Variants in MCTP1 observed in about 807,000 individuals in gnomAD.
MCTP1 encodes multiple C2 and transmembrane domain containing 1, also known as multiple C2 and transmembrane domain-containing protein 1.
MCTP1 carries 69 observed loss-of-function variants against 120.6 expected under a neutral mutation model. The observed-to-expected ratio is 0.57, with a 90% CI of 0.47 to 0.70. The LOEUF is 0.70. MCTP1 is among the 30% of genes least tolerant of loss of function. MCTP1 has a pLI of 0.00. For missense variants in MCTP1, 1,203 were observed against 1,248.8 expected (o/e 0.96, Z 0.55); for synonymous variants, 529 against 493.1 (o/e 1.07, Z -0.96).
chr5:95,269,587 A>G (rs1759194883), intron 1 of MCTP1, among the ~76,000 whole-genome samples: 1 of 152,352 alleles, frequency 6.6e-6, no homozygotes, highest in South Asian at 2.1e-4. Context: ...GGAAAGACCT[A>G]TCAGCAAGGC....
intron 19 of MCTP1, among the ~76,000 whole-genome samples, chr5:94,748,346 A>G (rs1767418904): frequency 6.6e-6 from 1 of 152,184 alleles, no homozygotes; most frequent in Admixed American, 6.5e-5. Flanking sequence ...GGAACTACTG[A>G]AACATTGTCG....
At chr5:95,197,189 G>A (rs547968131) in intron 1 of MCTP1, among the ~76,000 whole-genome samples, 1 of 152,270 alleles carries the variant, frequency 6.6e-6, no homozygotes, top group Non-Finnish European at 1.5e-5. Flanking sequence ...GTTTGTCACT[G>A]AGGAAATTAA....
At chr5:94,867,543 G>A (rs1192872876) in intron 17 of MCTP1, 2 of 473,688 alleles carry the variant, frequency 4.2e-6, no homozygotes, top group Non-Finnish European at 7.5e-6. Flanking sequence ...GAAGCATAAG[G>A]TACTCATATT....
chr5:95,146,514 TA>T, intron 1 of MCTP1, among the ~76,000 whole-genome samples: 1 of 152,308 alleles, frequency 6.6e-6, no homozygotes. Flanking sequence ...TTGATGAAAG[TA>T]TTTAGCACTA....
At chr5:95,058,185 C>G (rs1322928808) in intron 1 of MCTP1, among the ~76,000 whole-genome samples, 1 of 152,120 alleles carries the variant, frequency 6.6e-6, no homozygotes, top group Non-Finnish European at 1.5e-5. Context: ...CCCAATAATT[C>G]AAATACATAA....
intron 1 of MCTP1, among the ~76,000 whole-genome samples, chr5:95,173,597 C>T (rs1055067874): frequency 3.9e-5 from 6 of 152,158 alleles, no homozygotes; most frequent in Non-Finnish European, 8.8e-5. Context: ...CTACTTTCTC[C>T]TCCCTTTACC....
chr5:95,136,005 A>T (rs1315427986), intron 1 of MCTP1, among the ~76,000 whole-genome samples: 3 of 152,252 alleles, frequency 2.0e-5, no homozygotes, highest in Non-Finnish European at 4.4e-5. Context: ...GTAGATTTCA[A>T]TATAATTGAA....
chr5:95,233,648 A>G (rs1755215497), intron 1 of MCTP1, among the ~76,000 whole-genome samples: 1 of 152,192 alleles, frequency 6.6e-6, no homozygotes, highest in African/African-American at 2.4e-5. Flanking sequence ...ATACTTCTAA[A>G]TAAATCATAA....
chr5:94,827,550 C>T (rs188163221), intron 17 of MCTP1, among the ~76,000 whole-genome samples: 206 of 152,014 alleles, frequency 1.4e-3, no homozygotes, highest in South Asian at 2.3e-3. Flanking sequence ...CCCAATATCC[C>T]GAAGTGTATT....
chr5:95,138,171 T>C (rs901273871), intron 1 of MCTP1, among the ~76,000 whole-genome samples: 6 of 151,972 alleles, frequency 3.9e-5, no homozygotes, highest in African/African-American at 1.4e-4. Flanking sequence ...GTGCTATGTC[T>C]GCTACTGAAC....
At chr5:94,731,425 C>CA (rs1468501052) in intron 19 of MCTP1, among the ~76,000 whole-genome samples, 2 of 152,120 alleles carry the variant, frequency 1.3e-5, no homozygotes, top group Non-Finnish European at 2.9e-5. Context: ...AGTAAGTTCT[C>CA]AAAAATGTTA....
intron 2 of MCTP1, among the ~76,000 whole-genome samples, chr5:94,953,674 A>C (rs2153534691): frequency 6.6e-6 from 1 of 150,488 alleles, no homozygotes; most frequent in East Asian, 1.9e-4. Context: ...TCAAAAAGAT[A>C]CCTGACTCAA....
At chr5:94,779,510 T>C (rs1776141816) in intron 18 of MCTP1, among the ~76,000 whole-genome samples, 1 of 152,164 alleles carries the variant, frequency 6.6e-6, no homozygotes, top group African/African-American at 2.4e-5. Flanking sequence ...GCACTTTAAA[T>C]TGAGAACTAG....
intron 19 of MCTP1, among the ~76,000 whole-genome samples, chr5:94,715,509 T>C (rs933667277): frequency 6.6e-6 from 1 of 152,198 alleles, no homozygotes; most frequent in African/African-American, 2.4e-5. Context: ...TAGTATATGC[T>C]GTATTAGGTT....
intron 1 of MCTP1, chr5:95,068,765 A>G: frequency 7.9e-7 from 1 of 1,266,950 alleles, no homozygotes; most frequent in Non-Finnish European, 1.0e-6. Context: ...TTTGTCAGTC[A>G]TTTCCACTTT....
intron 1 of MCTP1, among the ~76,000 whole-genome samples, chr5:95,095,414 A>G (rs537112340): frequency 4.6e-5 from 7 of 152,326 alleles, no homozygotes; most frequent in African/African-American, 1.7e-4. Context: ...TTTAATGAAC[A>G]TCTTCAATGC....
chr5:95,011,490 G>A (rs1458301266), intron 2 of MCTP1, among the ~76,000 whole-genome samples: 1 of 152,032 alleles, frequency 6.6e-6, no homozygotes, highest in Non-Finnish European at 1.5e-5. Context: ...CCTAATGTTG[G>A]GGGGAGGGAC....
At chr5:94,939,141 T>C (rs1437227668) in intron 5 of MCTP1, among the ~76,000 whole-genome samples, 1 of 152,042 alleles carries the variant, frequency 6.6e-6, no homozygotes, top group African/African-American at 2.4e-5. Flanking sequence ...AGGGTGAATT[T>C]TTCAATGAGT....
intron 12 of MCTP1, among the ~76,000 whole-genome samples, chr5:94,879,407 A>G (rs1799591602): frequency 6.6e-6 from 1 of 152,106 alleles, no homozygotes; most frequent in Admixed American, 6.6e-5. Context: ...CTCCCCAGTC[A>G]TTATGGCAAC....
Sources: gnomAD v4.1 joint callset for allele counts (sites outside exome capture counted in the v4.1 genomes callset) on GRCh38, gnomAD v4.1.1 for gene constraint, MANE v1.5 for transcripts, NCBI Gene and HGNC (gene_info 2026-07-23, HGNC 2026-07-21) for gene names.